PDE12: variants seen among roughly 807,000 people sequenced by gnomAD.
PDE12 encodes the protein phosphodiesterase 12, also known as 2',5'-phosphodiesterase 12.
A neutral mutation model predicts 45.4 loss-of-function variants in PDE12; 26 were observed. The observed-to-expected ratio is 0.57, with a 90% CI of 0.42 to 0.79. The LOEUF is 0.79. Among genes scored for constraint, PDE12 ranks in the 30% least tolerant of loss-of-function variants. The probability of loss-of-function intolerance (pLI) is 0.00; values close to 1 mark genes in which losing one functional copy is unlikely to be tolerated. For missense variants in PDE12, 668 were observed against 790.0 expected (o/e 0.85, Z 1.85); for synonymous variants, 283 against 323.9 (o/e 0.87, Z 1.36).
At chr3:57,576,298 T>C in the PDE12 span, among the ~76,000 whole-genome samples, 1 of 152,044 alleles carries the variant, frequency 6.6e-6, no homozygotes, top group South Asian at 2.1e-4. Context: ...AAAGACAAAT[T>C]AGTGGCTGTC....
rs1468674290 is a variant in PDE12, at chr3:57,561,559, A to G, written c.*1555A>G. The G allele has an allele frequency of 4.1e-6, 4 of 984,154 alleles. No individual in the cohort carries two copies. The highest frequency in any genetic ancestry group is 4.8e-6 in the Non-Finnish European group (4 of 828,922). The allele number at this position is 984,154 out of a possible 1,614,324, so 61.0% of individuals were successfully genotyped here. The stretch of plus-strand genomic sequence containing the variant: ...TACTAATTCAGTTATGAAATACATT[A>G]TTTATAATGCATTAGCTGTATTAGC... On this transcript the variant is annotated 3_prime_UTR_variant, in exon 3 of 3. Transcript: ENST00000311180.
the PDE12 span, chr3:57,597,239 GAGAAAGAGCGGAGGA>G: frequency 1.7e-6 from 2 of 1,185,016 alleles, no homozygotes. Context: ...CGAGAGGGAA[GAGAAAGAGCGGAGGA>G]AGAAAGAGGG....
chr3:57,597,176 G>A, the PDE12 span: 9 of 1,590,382 alleles, frequency 5.7e-6, no homozygotes, highest in African/African-American at 4.0e-5. Context: ...AGAAGCAGAA[G>A]GGGTTTGGGG....
the PDE12 span, chr3:57,645,616 G>A: frequency 2.2e-6 from 3 of 1,370,446 alleles, no homozygotes; most frequent in Non-Finnish European, 3.1e-6. Context: ...ACACAATTTT[G>A]GTTATAAAGG....
At chr3:57,581,541 C>T in the PDE12 span, among the ~76,000 whole-genome samples, 1 of 152,324 alleles carries the variant, frequency 6.6e-6, no homozygotes, top group East Asian at 1.9e-4. Flanking sequence ...TAGCTCATGC[C>T]TGTAATCCCA....
At chr3:57,637,810 AAAAT>A in the PDE12 span, among the ~76,000 whole-genome samples, 1 of 63,118 alleles carries the variant, frequency 1.6e-5, no homozygotes, top group Non-Finnish European at 4.5e-5. Flanking sequence ...GAAAACAAAA[AAAAT>A]AAATAAATAA....
the PDE12 span, among the ~76,000 whole-genome samples, chr3:57,616,853 A>G: frequency 0.75 from 113,320 of 151,716 alleles, 44,435 homozygotes; most frequent in East Asian, 1. Context: ...GTGAAACTCC[A>G]TCTCTACTAA....
chr3:57,594,392 G>A, the PDE12 span, among the ~76,000 whole-genome samples: 1 of 152,186 alleles, frequency 6.6e-6, no homozygotes, highest in Non-Finnish European at 1.5e-5. Context: ...CTGGCCAGAA[G>A]CTATTGCTTC....
the PDE12 span, among the ~76,000 whole-genome samples, chr3:57,633,912 A>G: frequency 6.6e-6 from 1 of 151,940 alleles, no homozygotes; most frequent in Non-Finnish European, 1.5e-5. Context: ...AAGTGAGTTC[A>G]CTATAAAGAC....
At chr3:57,603,211 A>C in the PDE12 span, among the ~76,000 whole-genome samples, 1 of 152,200 alleles carries the variant, frequency 6.6e-6, no homozygotes, top group Non-Finnish European at 1.5e-5. Flanking sequence ...AGGTAGCTTA[A>C]AGCTAAATAT....
chr3:57,605,993 G>A, the PDE12 span, among the ~76,000 whole-genome samples: 1 of 152,140 alleles, frequency 6.6e-6, no homozygotes, highest in African/African-American at 2.4e-5. Context: ...TTAGTGAGCT[G>A]TGAAATAGCC....
chr3:57,616,165 A>G, the PDE12 span, among the ~76,000 whole-genome samples: 51 of 152,022 alleles, frequency 3.4e-4, no homozygotes, highest in African/African-American at 1.2e-3. Flanking sequence ...TCTACAAAAA[A>G]TGCAAAAAAT....
chr3:57,601,198 C>A, the PDE12 span, among the ~76,000 whole-genome samples: 1 of 152,098 alleles, frequency 6.6e-6, no homozygotes, highest in African/African-American at 2.4e-5. Context: ...TAGCCTCTGC[C>A]TCCTGGGTTC....
chr3:57,632,537 A>G, the PDE12 span, among the ~76,000 whole-genome samples: 1 of 152,186 alleles, frequency 6.6e-6, no homozygotes, highest in East Asian at 1.9e-4. Context: ...GATTTAATGG[A>G]ATAAATAACT....
chr3:57,577,054 TAA>T, the PDE12 span, among the ~76,000 whole-genome samples: 3 of 137,744 alleles, frequency 2.2e-5, no homozygotes, highest in Admixed American at 1.5e-4. Flanking sequence ...TGAGGCATTC[TAA>T]AAAAAAAAAA....
the PDE12 span, chr3:57,627,433 C>G: frequency 6.6e-6 from 1 of 152,092 alleles, no homozygotes; most frequent in Non-Finnish European, 1.5e-5. Flanking sequence ...CGTGAGCCAC[C>G]ACACCCAGCC....
chr3:57,624,149 G>A, the PDE12 span, among the ~76,000 whole-genome samples: 1 of 151,330 alleles, frequency 6.6e-6, no homozygotes, highest in East Asian at 2.0e-4. Flanking sequence ...CACCATGTCT[G>A]ACTACTTTTT....
the PDE12 span, among the ~76,000 whole-genome samples, chr3:57,631,569 C>T: frequency 6.6e-6 from 1 of 152,128 alleles, no homozygotes; most frequent in Non-Finnish European, 1.5e-5. Flanking sequence ...CAACATTTTA[C>T]ATGCATGATC....
the PDE12 span, among the ~76,000 whole-genome samples, chr3:57,603,686 G>A: frequency 2.0e-5 from 3 of 150,488 alleles, no homozygotes; most frequent in Admixed American, 6.6e-5. Flanking sequence ...GCAATGGCGC[G>A]ATCTCAGCTC....
Sources: gnomAD v4.1 joint callset for allele counts (sites outside exome capture counted in the v4.1 genomes callset) on GRCh38, gnomAD v4.1.1 for gene constraint, MANE v1.5 for transcripts, NCBI Gene and HGNC (gene_info 2026-07-23, HGNC 2026-07-21) for gene names.